CPEB3: variants seen among roughly 807,000 people sequenced by gnomAD.
CPEB3 encodes cytoplasmic polyadenylation element-binding protein 3.
CPEB3 carries 20 observed loss-of-function variants against 67.2 expected under a neutral mutation model. The ratio of observed to expected loss-of-function variants is 0.30; its 90% CI spans 0.21 to 0.43. CPEB3 has a LOEUF of 0.43. Among genes scored for constraint, CPEB3 ranks in the 20% least tolerant of loss-of-function variants. The pLI, the probability that CPEB3 is intolerant of heterozygous loss-of-function variation, is 1.00. For missense variants in CPEB3, 746 were observed against 968.6 expected (o/e 0.77, Z 3.05); for synonymous variants, 376 against 393.1 (o/e 0.96, Z 0.51).
intron 4 of CPEB3, among the ~76,000 whole-genome samples, chr10:92,154,381 A>G (rs530248042): frequency 6.6e-6 from 1 of 151,000 alleles, no homozygotes; most frequent in East Asian, 1.9e-4. Flanking sequence ...TTTATTTTCA[A>G]TCTTATTCTT....
chr10:92,272,831 C>A (rs559139039), intron 1 of CPEB3, among the ~76,000 whole-genome samples: 1 of 152,142 alleles, frequency 6.6e-6, no homozygotes. Flanking sequence ...AGGTGAGTAA[C>A]GTGATCAGGA....
intron 2 of CPEB3, among the ~76,000 whole-genome samples, chr10:92,204,524 G>A (rs1420292379): frequency 6.6e-6 from 1 of 152,114 alleles, no homozygotes; most frequent in Non-Finnish European, 1.5e-5. Flanking sequence ...CACTGGAAAG[G>A]TCACCAATGT....
intron 2 of CPEB3, among the ~76,000 whole-genome samples, chr10:92,199,893 C>CAGAGAG (rs1306735421): frequency 2.1e-5 from 2 of 94,740 alleles, no homozygotes; most frequent in African/African-American, 1.3e-4. Flanking sequence ...TCTCCAAACA[C>CAGAGAG]ACAGAGAGAG....
chr10:92,062,734 T>A (rs1842401795), intron 9 of CPEB3, among the ~76,000 whole-genome samples: 1 of 152,258 alleles, frequency 6.6e-6, no homozygotes, highest in Admixed American at 6.5e-5. Flanking sequence ...CCGGCTTATC[T>A]GTTAACCACT....
intron 1 of CPEB3, among the ~76,000 whole-genome samples, chr10:92,276,613 T>C (rs1842001860): frequency 6.6e-6 from 1 of 152,214 alleles, no homozygotes; most frequent in South Asian, 2.1e-4. Context: ...GTGACTTCTT[T>C]GGTTTTCTTG....
chr10:92,061,569 A>C (rs1318654690), intron 9 of CPEB3, among the ~76,000 whole-genome samples: 4 of 152,222 alleles, frequency 2.6e-5, no homozygotes, highest in Admixed American at 2.6e-4. Context: ...GTTAAGTGAA[A>C]TAAGCTAGAC....
intron 9 of CPEB3, among the ~76,000 whole-genome samples, chr10:92,070,616 A>C (rs1842715423): frequency 6.6e-6 from 1 of 151,990 alleles, no homozygotes; most frequent in Non-Finnish European, 1.5e-5. Flanking sequence ...GTCTCCATTA[A>C]AAATACAAAA....
At chr10:92,247,926 G>A (rs992364538) in intron 1 of CPEB3, among the ~76,000 whole-genome samples, 2 of 151,810 alleles carry the variant, frequency 1.3e-5, no homozygotes, top group African/African-American at 2.4e-5. Flanking sequence ...ACAGAGTCTT[G>A]CTCTGTCATC....
chr10:92,189,901 A>G (rs1848882848), intron 3 of CPEB3, among the ~76,000 whole-genome samples: 1 of 151,010 alleles, frequency 6.6e-6, no homozygotes, highest in South Asian at 2.1e-4. Context: ...TCTTATAATG[A>G]GTAAAAATGT....
In CPEB3 at chr10:92,177,887, A is replaced by G. The variant is rs527260119; in HGVS notation, c.1222+3076T>C. On this transcript the variant is annotated intron_variant, in intron 4 of 9. Transcript: ENST00000265997. Reference sequence around the variant, plus strand: ...GTGAGGTCAAGAAAGTAAAAAAAGGATGGAAGATTTTTTGGGAAACATAAT... The same window carrying G: ...GTGAGGTCAAGAAAGTAAAAAAAGGGTGGAAGATTTTTTGGGAAACATAAT... 2.6e-5 allele frequency among the ~76,000 whole-genome samples: 4 copies of G among 152,292 alleles called. No individual in the cohort carries two copies. In the South Asian group the frequency reaches 8.3e-4, roughly 32 times the overall value.
At chr10:92,273,550 T>C (rs1853393580) in intron 1 of CPEB3, among the ~76,000 whole-genome samples, 1 of 152,182 alleles carries the variant, frequency 6.6e-6, no homozygotes, top group South Asian at 2.1e-4. Flanking sequence ...AAAAGGTGTG[T>C]CTTGGTCTAT....
chr10:92,248,314 A>G (rs1852153779), intron 1 of CPEB3, among the ~76,000 whole-genome samples: 1 of 152,240 alleles, frequency 6.6e-6, no homozygotes, highest in Admixed American at 6.5e-5. Context: ...CGTGTTCAGT[A>G]CAAATGCAAG....
At chr10:92,213,261 A>G (rs1027110630) in intron 2 of CPEB3, among the ~76,000 whole-genome samples, 2 of 152,222 alleles carry the variant, frequency 1.3e-5, no homozygotes, top group African/African-American at 2.4e-5. Flanking sequence ...TTGCTCAGCA[A>G]GTTTAGGAAA....
chr10:92,280,556 T>C (rs56239008), intron 1 of CPEB3, among the ~76,000 whole-genome samples: 33,122 of 147,342 alleles, frequency 0.22, 4,624 homozygotes, highest in Middle Eastern at 0.34. Context: ...CCCTCGTCTC[T>C]ACAAAAAGTA....
At position 92,216,742 on chromosome 10, in the gene CPEB3, G is replaced by A. The variant is rs150748347; in HGVS notation, c.1005+22604C>T. On this transcript the variant is annotated intron_variant, in intron 2 of 9. Transcript: ENST00000265997. The stretch of plus-strand genomic sequence containing the variant: ...TCAAGCCCCACGAGGAGTACCAGGA[G>A]GCTTACGACGAGTGCCTGGAGGAGG... 7 of 1,609,440 alleles carry A rather than the reference G, an allele frequency of 4.3e-6. No individual in the cohort carries two copies. The Admixed American group carries it at 8.3e-5, about 19-fold the overall frequency.
At chr10:92,123,452 T>C (rs1845480386) in intron 6 of CPEB3, among the ~76,000 whole-genome samples, 1 of 152,224 alleles carries the variant, frequency 6.6e-6, no homozygotes, top group African/African-American at 2.4e-5. Context: ...GTTAGTGCTT[T>C]CACACACTGC....
At chr10:92,255,131 C>T (rs558029528) in intron 1 of CPEB3, among the ~76,000 whole-genome samples, 3 of 152,246 alleles carry the variant, frequency 2.0e-5, no homozygotes, top group African/African-American at 4.8e-5. Context: ...TATTCCCTTT[C>T]CTCCTTTCTC....
chr10:92,237,296 G>A (rs566482473), intron 2 of CPEB3, among the ~76,000 whole-genome samples: 3 of 152,232 alleles, frequency 2.0e-5, no homozygotes, highest in East Asian at 1.9e-4. Flanking sequence ...TTCTTCCCAA[G>A]GCCAAATAAA....
At chr10:92,251,132 CGTT>C (rs1304693984) in intron 1 of CPEB3, among the ~76,000 whole-genome samples, 1 of 152,072 alleles carries the variant, frequency 6.6e-6, no homozygotes, top group Non-Finnish European at 1.5e-5. Context: ...ATGCTGTACA[CGTT>C]TGTAAGCTAG....
Sources: gnomAD v4.1 joint callset for allele counts (sites outside exome capture counted in the v4.1 genomes callset) on GRCh38, gnomAD v4.1.1 for gene constraint, MANE v1.5 for transcripts, NCBI Gene and HGNC (gene_info 2026-07-23, HGNC 2026-07-21) for gene names.